The following CPNE4 variants were observed in gnomAD, a reference collection of about 807,000 sequenced individuals.
CPNE4 encodes copine-4.
A neutral mutation model predicts 67.9 loss-of-function variants in CPNE4; 25 were observed. The observed-to-expected ratio is 0.37, with a 90% CI of 0.27 to 0.51. The LOEUF is 0.51. Among genes scored for constraint, CPNE4 ranks in the 20% least tolerant of loss-of-function variants. The pLI, the probability that CPNE4 is intolerant of heterozygous loss-of-function variation, is 0.93. For missense variants in CPNE4, 464 were observed against 690.8 expected (o/e 0.67, Z 3.68); for synonymous variants, 242 against 244.9 (o/e 0.99, Z 0.11).
At chr3:131,713,404 T>C (rs940404669) in intron 3 of CPNE4, among the ~76,000 whole-genome samples, 7 of 152,076 alleles carry the variant, frequency 4.6e-5, no homozygotes, top group Non-Finnish European at 8.8e-5. Context: ...AAATACTTCA[T>C]GCTGAGATGA....
At position 131,814,572 on chromosome 3, in the gene CPNE4, A is replaced by ATTTTT. The variant is rs71136418; in HGVS notation, c.180+90687_180+90691dup. ...TGGAAGCATAAAATATTGAAATGCA[A>ATTTTT]TTTTTTTTTTTTTTTTTTTTTTTTT... On this transcript the variant is annotated intron_variant, in intron 2 of 15. Transcript: ENST00000429747. 3.8e-4 allele frequency among the ~76,000 whole-genome samples: 27 copies of ATTTTT among 71,134 alleles called. 4 individuals carry two copies. The highest frequency in any genetic ancestry group is 6.5e-4 in the Non-Finnish European group (24 of 36,664). 46.7% of individuals were successfully genotyped at this position (71,134 alleles called of 152,430 possible). A position where few individuals can be genotyped will look rare whatever the true frequency, so the allele number is the denominator to read the frequency against.
chr3:131,583,242 C>G (rs946677692), intron 8 of CPNE4, among the ~76,000 whole-genome samples: 2 of 152,150 alleles, frequency 1.3e-5, no homozygotes, highest in Non-Finnish European at 2.9e-5. Context: ...TTTCTTTCCT[C>G]CCTCAGATTT....
At chr3:131,836,404 C>T (rs1479011384) in intron 2 of CPNE4, among the ~76,000 whole-genome samples, 1 of 152,156 alleles carries the variant, frequency 6.6e-6, no homozygotes, top group Non-Finnish European at 1.5e-5. Context: ...TAAAATTTAA[C>T]ACCCATTTGT....
chr3:131,826,874 A>C (rs747886121), intron 2 of CPNE4, among the ~76,000 whole-genome samples: 1 of 152,008 alleles, frequency 6.6e-6, no homozygotes, highest in Non-Finnish European at 1.5e-5. Flanking sequence ...TCTACTAAAA[A>C]TAATTTTTTA....
chr3:131,726,233 T>G (rs2081996260), intron 2 of CPNE4, among the ~76,000 whole-genome samples: 1 of 152,226 alleles, frequency 6.6e-6, no homozygotes, highest in South Asian at 2.1e-4. Flanking sequence ...ATTCTGGTAC[T>G]TTTCTTCTAA....
At chr3:131,748,581 T>A (rs2082549270) in intron 2 of CPNE4, among the ~76,000 whole-genome samples, 1 of 152,052 alleles carries the variant, frequency 6.6e-6, no homozygotes, top group Non-Finnish European at 1.5e-5. Flanking sequence ...AGATCTCCTT[T>A]TAAATAACAA....
chr3:131,936,204 C>A (rs2071215591), intron 1 of CPNE4, among the ~76,000 whole-genome samples: 2 of 151,678 alleles, frequency 1.3e-5, no homozygotes, highest in South Asian at 2.1e-4. Flanking sequence ...TCAAAACATA[C>A]AAAAGAGCTG....
intron 1 of CPNE4, among the ~76,000 whole-genome samples, chr3:132,024,317 C>T (rs2074069019): frequency 6.6e-6 from 1 of 152,086 alleles, no homozygotes; most frequent in African/African-American, 2.4e-5. Flanking sequence ...CTCCTGACCT[C>T]AAGTGATCTG....
At chr3:131,807,939 T>A (rs1322648553) in intron 2 of CPNE4, among the ~76,000 whole-genome samples, 2 of 152,074 alleles carry the variant, frequency 1.3e-5, no homozygotes, top group African/African-American at 4.8e-5. Context: ...AATGAATGAA[T>A]GACAAAGGCA....
chr3:131,975,344 C>G (rs1242128016), intron 1 of CPNE4, among the ~76,000 whole-genome samples: 1 of 152,106 alleles, frequency 6.6e-6, no homozygotes, highest in African/African-American at 2.4e-5. Flanking sequence ...TAGAAAAACC[C>G]CGGTTGGCAA....
intron 2 of CPNE4, among the ~76,000 whole-genome samples, chr3:131,748,349 C>A (rs1439967604): frequency 3.3e-5 from 5 of 151,858 alleles, no homozygotes; most frequent in African/African-American, 1.2e-4. Flanking sequence ...ATGCTGAATT[C>A]TATTTGCTAA....
chr3:131,876,653 A>AAAGAAAGAAAGAAAGAAAG (rs1553794943), intron 2 of CPNE4, among the ~76,000 whole-genome samples: 1 of 140,678 alleles, frequency 7.1e-6, no homozygotes, highest in East Asian at 2.1e-4. Context: ...AAAAAAAAAA[A>AAAGAAAGAAAGAAAGAAAG]AAAGAAAGAA....
At chr3:131,637,510 T>C (rs1217758825) in intron 7 of CPNE4, among the ~76,000 whole-genome samples, 1 of 152,152 alleles carries the variant, frequency 6.6e-6, no homozygotes, top group Non-Finnish European at 1.5e-5. Flanking sequence ...AAAATTTTGT[T>C]AATGAACAAA....
intron 15 of CPNE4, among the ~76,000 whole-genome samples, chr3:131,535,589 G>T (rs1164038061): frequency 6.6e-6 from 1 of 152,192 alleles, no homozygotes; most frequent in Non-Finnish European, 1.5e-5. Context: ...ATGGGAGAAT[G>T]AATTGTTCTG....
At chr3:131,632,129 C>G (rs1048368635) in intron 7 of CPNE4, among the ~76,000 whole-genome samples, 6 of 151,590 alleles carry the variant, frequency 4.0e-5, no homozygotes, top group African/African-American at 1.5e-4. Flanking sequence ...CCTGCCTCAG[C>G]CTCCCGAGTA....
chr3:131,846,725 A>T (rs2086012003), intron 2 of CPNE4, among the ~76,000 whole-genome samples: 1 of 152,164 alleles, frequency 6.6e-6, no homozygotes, highest in South Asian at 2.1e-4. Flanking sequence ...TCTGGTTCAG[A>T]CCTGAGTAGA....
chr3:131,560,473 A>C (rs1936702534), intron 11 of CPNE4, among the ~76,000 whole-genome samples: 2 of 152,026 alleles, frequency 1.3e-5, no homozygotes, highest in Non-Finnish European at 2.9e-5. Flanking sequence ...CAGCCCAGAA[A>C]TTATCATCCC....
chr3:131,981,405 C>T (rs2072906484), intron 1 of CPNE4, among the ~76,000 whole-genome samples: 1 of 152,036 alleles, frequency 6.6e-6, no homozygotes, highest in African/African-American at 2.4e-5. Flanking sequence ...TCCCAAGTCA[C>T]TGGAGTTGTG....
intron 2 of CPNE4, among the ~76,000 whole-genome samples, chr3:131,839,355 C>T (rs2085683689): frequency 6.6e-6 from 1 of 151,258 alleles, no homozygotes; most frequent in Non-Finnish European, 1.5e-5. Flanking sequence ...CAATATAACA[C>T]CATGGGAAAA....
Sources: allele counts gnomAD v4.1 joint callset (sites outside exome capture counted in the v4.1 genomes callset), GRCh38; gene constraint gnomAD v4.1.1; transcripts MANE v1.5; gene names NCBI Gene and HGNC (gene_info 2026-07-23, HGNC 2026-07-21).